The following SDK1 variants were observed in gnomAD, a reference collection of about 807,000 sequenced individuals.
The protein encoded by SDK1 is sidekick cell adhesion molecule 1.
In SDK1, 157 loss-of-function variants were observed where a neutral mutation model predicts 245.5. That is an observed-to-expected ratio of 0.64 (90% confidence interval 0.56 to 0.73). The LOEUF (loss-of-function observed/expected upper bound fraction) is 0.73, where lower values mean the gene tolerates loss of function less well. SDK1 is among the 30% of genes least tolerant of loss of function. The pLI is 0.00. For synonymous variants in SDK1, 1,647 were observed against 1,278.5 expected, an observed-to-expected ratio of 1.29 and a Z score of -6.15; for missense variants, 3,583 against 3,002.3, an observed-to-expected ratio of 1.19 and a Z score of -4.52.
At chr7:3,897,334 C>T (rs77051620) in intron 5 of SDK1, among the ~76,000 whole-genome samples, 1 of 152,172 alleles carries the variant, frequency 6.6e-6, no homozygotes, top group Non-Finnish European at 1.5e-5. Context: ...ACTGGAAGCT[C>T]TTTCCCCATC....
chr7:3,897,808 G>T (rs1170519452), intron 5 of SDK1, among the ~76,000 whole-genome samples: 1 of 151,902 alleles, frequency 6.6e-6, no homozygotes, highest in African/African-American at 2.4e-5. Flanking sequence ...TAGTTAATTT[G>T]GGAACTTTGA....
intron 14 of SDK1, among the ~76,000 whole-genome samples, chr7:4,001,816 CTCTT>C (rs1785098767): frequency 6.6e-6 from 1 of 152,222 alleles, no homozygotes; most frequent in African/African-American, 2.4e-5. Context: ...TGGCCTAAGC[CTCTT>C]TCTTTCTCAG....
chr7:3,571,239 T>A (rs956818073), intron 1 of SDK1, among the ~76,000 whole-genome samples: 4 of 152,058 alleles, frequency 2.6e-5, no homozygotes, highest in Non-Finnish European at 5.9e-5. Flanking sequence ...ATCTATAAAA[T>A]CTTGATTTTG....
intron 4 of SDK1, among the ~76,000 whole-genome samples, chr7:3,745,536 ATGTG>A (rs3086116): frequency 0.069 from 10,474 of 151,456 alleles, 1,222 homozygotes; most frequent in African/African-American, 0.24. Context: ...CCTCATTTGC[ATGTG>A]TGTGTGTGTG....
In SDK1 at chr7:3,996,189, A is replaced by C. The variant is rs1784687092; in HGVS notation, c.2131+8867A>C. Reference sequence around the variant, plus strand: ...TTATTTATGGTGTCTCCCTCTTTTTATATTCAGAGGACCTGTTTATACAAA... The same window carrying C: ...TTATTTATGGTGTCTCCCTCTTTTTCTATTCAGAGGACCTGTTTATACAAA... On this transcript the variant is annotated intron_variant, in intron 14 of 44. Coordinates refer to ENST00000404826, the MANE Select transcript of SDK1 (RefSeq NM_152744.4). 2.0e-5 allele frequency among the ~76,000 whole-genome samples: 3 copies of C among 152,020 alleles called. No homozygotes were observed. The South Asian group carries it at 6.2e-4, about 32-fold the overall frequency.
intron 27 of SDK1, among the ~76,000 whole-genome samples, chr7:4,131,432 C>T (rs1199818780): frequency 6.6e-6 from 1 of 152,204 alleles, no homozygotes; most frequent in Non-Finnish European, 1.5e-5. Context: ...ACATTTATTT[C>T]ACCCCAAAAT....
intron 5 of SDK1, among the ~76,000 whole-genome samples, chr7:3,854,906 C>T (rs890192358): frequency 1.3e-5 from 2 of 152,150 alleles, no homozygotes; most frequent in African/African-American, 2.4e-5. Context: ...GGGACGAACA[C>T]TAGAGTTAGG....
intron 4 of SDK1, among the ~76,000 whole-genome samples, chr7:3,799,092 A>G (rs1320638981): frequency 1.3e-5 from 2 of 152,186 alleles, no homozygotes; most frequent in Non-Finnish European, 2.9e-5. Context: ...ATTTAATGTC[A>G]TTGGATAACC....
At position 4,134,407 on chromosome 7, in the gene SDK1, G is replaced by C. The variant is rs192561958; in HGVS notation, c.4228+1984G>C. 2.7e-3 allele frequency among the ~76,000 whole-genome samples: 414 copies of C among 152,340 alleles called. 1 individual carries two copies. Among genetic ancestry groups the C allele is most frequent in the African/African-American group, 8.9e-3 (372 of 41,582 alleles). On this transcript the variant is annotated intron_variant, in intron 28 of 44. Transcript: ENST00000404826. Reference sequence around the variant, plus strand: ...GTGCCTGCGCAGTGAGCCCAGTCTTGGGGTAGGAAATGGTCTGCCCAGCAG... The same window carrying C: ...GTGCCTGCGCAGTGAGCCCAGTCTTCGGGTAGGAAATGGTCTGCCCAGCAG...
intron 4 of SDK1, among the ~76,000 whole-genome samples, chr7:3,671,090 C>CG (rs1783688252): frequency 6.6e-6 from 1 of 152,220 alleles, no homozygotes; most frequent in East Asian, 1.9e-4. Context: ...GACCTCAAGG[C>CG]GGGGGGTGTC....
chr7:4,127,349 G>T, intron 25 of SDK1, 32 bp from the exon 26 acceptor site: 1 of 1,502,004 alleles, frequency 6.7e-7, no homozygotes, highest in Non-Finnish European at 9.3e-7. Context: ...TCTAGATTTT[G>T]GATGCTAATC....
At chr7:3,348,991 G>A (rs1022138909) in intron 1 of SDK1, among the ~76,000 whole-genome samples, 1 of 152,098 alleles carries the variant, frequency 6.6e-6, no homozygotes, top group East Asian at 1.9e-4. Flanking sequence ...TGCCCCTCAC[G>A]TTTTTGTGCA....
chr7:3,481,609 C>T (rs1369068789), intron 1 of SDK1, among the ~76,000 whole-genome samples: 1 of 152,148 alleles, frequency 6.6e-6, no homozygotes, highest in Admixed American at 6.5e-5. Context: ...TTCCCACATA[C>T]AAGCCCTTCC....
At chr7:4,102,924 A>G (rs1387081816) in intron 22 of SDK1, among the ~76,000 whole-genome samples, 2 of 151,344 alleles carry the variant, frequency 1.3e-5, no homozygotes, top group Non-Finnish European at 2.9e-5. Context: ...GAAATATCAT[A>G]AAGTACTGTT....
chr7:3,354,149 C>T (rs1422263954), intron 1 of SDK1, among the ~76,000 whole-genome samples: 1 of 152,008 alleles, frequency 6.6e-6, no homozygotes, highest in East Asian at 1.9e-4. Flanking sequence ...CAGGCACCCG[C>T]CACCACACCC....
Position 3,852,289 on chromosome 7 carries a change from C to T in SDK1, c.847+30706C>T, listed in dbSNP as rs116580142. Among the ~76,000 whole-genome samples the T allele has an allele frequency of 6.7e-3, 1,011 of 151,602 alleles. 10 individuals are homozygous for T. Among genetic ancestry groups the T allele is most frequent in the African/African-American group, 0.023 (943 of 41,244 alleles). The stretch of plus-strand genomic sequence containing the variant: ...TAGAAAACTGGCCAGCCGAGAGCGA[C>T]GGATGGCACCAGGCCTTTGAAGGGT... On this transcript the variant is annotated intron_variant, in intron 5 of 44. Transcript: ENST00000404826.
chr7:3,557,730 G>C (rs918648652), intron 1 of SDK1, among the ~76,000 whole-genome samples: 4 of 152,028 alleles, frequency 2.6e-5, no homozygotes, highest in African/African-American at 9.7e-5. Flanking sequence ...CCTATAACTT[G>C]CATGTGAATC....
At chr7:4,080,912 A>G (rs1420389261) in intron 22 of SDK1, among the ~76,000 whole-genome samples, 5 of 152,252 alleles carry the variant, frequency 3.3e-5, no homozygotes, top group Admixed American at 2.6e-4. Flanking sequence ...CAGCAAATGA[A>G]GACTAAATTG....
intron 5 of SDK1, among the ~76,000 whole-genome samples, chr7:3,861,562 C>G (rs960654030): frequency 6.6e-6 from 1 of 152,148 alleles, no homozygotes; most frequent in Non-Finnish European, 1.5e-5. Flanking sequence ...GAAAGCACGA[C>G]TCATTTCCAT....
Sources: allele counts gnomAD v4.1 joint callset (sites outside exome capture counted in the v4.1 genomes callset), GRCh38; gene constraint gnomAD v4.1.1; transcripts MANE v1.5; gene names NCBI Gene and HGNC (gene_info 2026-07-23, HGNC 2026-07-21).